The following ADSL variants were observed in gnomAD, a reference collection of about 807,000 sequenced individuals.
The protein encoded by ADSL is adenylosuccinate lyase.
ADSL carries 44 observed loss-of-function variants against 62.1 expected under a neutral mutation model. The observed-to-expected ratio is 0.71, with a 90% CI of 0.56 to 0.91. The LOEUF is 0.91. ADSL is among the 40% of genes least tolerant of loss of function. The pLI is 0.00. For synonymous variants in ADSL, 198 were observed against 220.5 expected (o/e 0.90, Z 0.90); for missense variants, 531 against 627.4 (o/e 0.85, Z 1.64).
Position 40,349,718 on chromosome 22 carries a change from G to A in ADSL, c.154-114G>A, listed in dbSNP as rs558339570. On this transcript the variant is annotated intron_variant, in intron 1 of 12. Coordinates refer to ENST00000623063, the MANE Select transcript of ADSL (RefSeq NM_000026.4). ...TGGTTGCCTCAAATTTTAATTTAAGGGTTGGGAGATAGGGTAGTGCTGCTA... is the reference window on the plus strand; with the variant it reads ...TGGTTGCCTCAAATTTTAATTTAAGAGTTGGGAGATAGGGTAGTGCTGCTA... 3.2e-6 allele frequency: 3 copies of A among 944,488 alleles called. No homozygotes were observed. The South Asian group carries it at 4.2e-5, about 13-fold the overall frequency. 58.5% of individuals were successfully genotyped at this position (944,488 alleles called of 1,614,324 possible). A position where few individuals can be genotyped will look rare whatever the true frequency, so the allele number is the denominator to read the frequency against.
At position 40,358,954 on chromosome 22, in the gene ADSL, T is replaced by C; in HGVS notation, c.573T>C (p.Asp191=). The C allele has an allele frequency of 6.2e-7, 1 of 1,614,216 alleles. No homozygotes were observed. The highest frequency in any genetic ancestry group is 8.5e-7 in the Non-Finnish European group (1 of 1,180,044). Residue 191 remains aspartate (D), a synonymous_variant, in exon 5 of 13, where the codon GAT becomes GAC. Transcript: ENST00000623063. ...MDLQNLKRVR[D]DLRFRGVKGT... ...TCCAGAACTTGAAGCGTGTCCGAGA[T>C]GACCTGCGCTTCCGGGGAGTAAAGG...
chr22:40,348,530 G>A (rs1334722250), intron 1 of ADSL: 3 of 398,470 alleles, frequency 7.5e-6, no homozygotes, highest in South Asian at 1.3e-4. Flanking sequence ...AGAGGTGCAC[G>A]CCACCACGCC....
At chr22:40,349,802 CTATTT>C (rs1431952223) in intron 1 of ADSL, 25 bp from the exon 2 acceptor site, 14 of 1,590,158 alleles carry the variant, frequency 8.8e-6, no homozygotes, top group African/African-American at 1.3e-5. Context: ...GACACTGAGA[CTATTT>C]TATTTTATTT....
chr22:40,346,770 CCGGGCTCTGTT>C, intron 1 of ADSL, 59 bp downstream of exon 1: 1 of 1,530,120 alleles, frequency 6.5e-7, no homozygotes, highest in Non-Finnish European at 8.8e-7. Context: ...CCAGCACGTG[CCGGGCTCTGTT>C]CCGGGCTGGG....
chr22:40,379,639 C>T (rs997200677), intron 2 of ADSL, among the ~76,000 whole-genome samples: 4 of 152,208 alleles, frequency 2.6e-5, no homozygotes, highest in African/African-American at 4.8e-5. Context: ...TATCTTCCTC[C>T]TTCATGAAGG....
chr22:40,352,285 T>A (rs919399458), intron 2 of ADSL, among the ~76,000 whole-genome samples: 3 of 151,970 alleles, frequency 2.0e-5, no homozygotes, highest in African/African-American at 7.2e-5. Context: ...CCCAGCACTT[T>A]GGGAGGCCGA....
chr22:40,386,735 T>G (rs917761687), intron 2 of ADSL, among the ~76,000 whole-genome samples: 2 of 152,034 alleles, frequency 1.3e-5, no homozygotes, highest in African/African-American at 4.8e-5. Context: ...AGTTTCTTTT[T>G]TCAAAAAGTA....
At chr22:40,347,773 G>A (rs928534214) in intron 1 of ADSL, among the ~76,000 whole-genome samples, 1 of 152,180 alleles carries the variant, frequency 6.6e-6, no homozygotes, top group African/African-American at 2.4e-5. Flanking sequence ...ACCCTGAAGA[G>A]TAGGTATGAA....
intron 2 of ADSL, chr22:40,351,875 G>C (rs2044360307): frequency 2.0e-5 from 3 of 151,066 alleles, no homozygotes; most frequent in South Asian, 2.1e-4. Context: ...GGATGGTCTC[G>C]ATCTCCTGAC....
chr22:40,361,429 A>G (rs537620009), intron 8 of ADSL, 59 bp from the exon 9 acceptor site: 7 of 1,613,356 alleles, frequency 4.3e-6, no homozygotes, highest in Non-Finnish European at 4.2e-6. Flanking sequence ...ATGCTTGCCT[A>G]CTCACTATCC....
At chr22:40,369,600 C>T (rs1437504049), downstream of ADSL, among the ~76,000 whole-genome samples, 1 of 151,852 alleles carries the variant, frequency 6.6e-6, no homozygotes, top group East Asian at 1.9e-4. Flanking sequence ...ATTTCCTGGG[C>T]TCAAGCGATC....
At chr22:40,351,086 C>T (rs2146627595) in intron 2 of ADSL, among the ~76,000 whole-genome samples, 1 of 152,248 alleles carries the variant, frequency 6.6e-6, no homozygotes. Context: ...CCTTGACCTT[C>T]TGGGCTCAAG....
rs565412931 is a variant in ADSL at position 40,368,047 on chromosome 22, C to G, written c.*1525C>G. 6.6e-6 allele frequency: 1 copy of G among 152,272 alleles called. No individual in the cohort carries two copies. Among genetic ancestry groups the G allele is most frequent in the East Asian group, 1.9e-4 (1 of 5,186 alleles). 9.4% of individuals were successfully genotyped at this position (152,272 alleles called of 1,614,324 possible). On this transcript the variant is annotated 3_prime_UTR_variant, in exon 13 of 13. Coordinates refer to ENST00000623063, the MANE Select transcript of ADSL (RefSeq NM_000026.4). Reference sequence around the variant, plus strand: ...TGAGGAATAGAGATGAACTGGAGAGCCAACCTCCAAAAAGATCTTGTGGTG... The same window carrying G: ...TGAGGAATAGAGATGAACTGGAGAGGCAACCTCCAAAAAGATCTTGTGGTG...
At chr22:40,386,123 A>G (rs995669738) in intron 2 of ADSL, among the ~76,000 whole-genome samples, 3 of 150,562 alleles carry the variant, frequency 2.0e-5, no homozygotes, top group Admixed American at 6.6e-5. Flanking sequence ...CAAGCAATCC[A>G]TCTGCCTTGG....
At chr22:40,371,417 G>T (rs981427292), downstream of ADSL, among the ~76,000 whole-genome samples, 2 of 152,112 alleles carry the variant, frequency 1.3e-5, no homozygotes, top group Admixed American at 1.3e-4. Context: ...TTGTTTTGCG[G>T]TGGGATAGAG....
intron 2 of ADSL, among the ~76,000 whole-genome samples, chr22:40,378,545 A>G (rs1436842091): frequency 6.6e-6 from 1 of 151,744 alleles, no homozygotes; most frequent in Non-Finnish European, 1.5e-5. Flanking sequence ...CCTGGCCTAC[A>G]TGGCGAAACC....
chr22:40,349,403 C>A (rs551127286), intron 1 of ADSL, among the ~76,000 whole-genome samples: 2 of 145,392 alleles, frequency 1.4e-5, no homozygotes, highest in East Asian at 4.0e-4. Flanking sequence ...GAGACAGAGG[C>A]TTACTCTGTT....
At chr22:40,363,372 G>A (rs2044868538) in intron 10 of ADSL, among the ~76,000 whole-genome samples, 1 of 152,212 alleles carries the variant, frequency 6.6e-6, no homozygotes, top group African/African-American at 2.4e-5. Flanking sequence ...ACTTGAGGCA[G>A]ATGGGTTCAT....
downstream of ADSL, among the ~76,000 whole-genome samples, chr22:40,371,869 G>A (rs2045568887): frequency 6.6e-6 from 1 of 150,502 alleles, no homozygotes; most frequent in Non-Finnish European, 1.5e-5. Context: ...GCTAATTTGT[G>A]TATTTTTAAT....
Sources: gnomAD v4.1 joint callset for allele counts (sites outside exome capture counted in the v4.1 genomes callset) on GRCh38, gnomAD v4.1.1 for gene constraint, MANE v1.5 for transcripts, NCBI Gene and HGNC (gene_info 2026-07-23, HGNC 2026-07-21) for gene names.